HRC: variants seen among roughly 807,000 people sequenced by gnomAD.
HRC encodes the protein sarcoplasmic reticulum histidine-rich calcium-binding protein.
A neutral mutation model predicts 61.4 loss-of-function variants in HRC; 41 were observed. The observed-to-expected ratio is 0.67, with a 90% CI of 0.52 to 0.87. The LOEUF (loss-of-function observed/expected upper bound fraction) is 0.87, where lower values mean the gene tolerates loss of function less well. Ranked by LOEUF, HRC falls within the 40% of genes least tolerant of loss-of-function variation. The probability of loss-of-function intolerance (pLI) is 0.00; values close to 1 mark genes in which losing one functional copy is unlikely to be tolerated. For synonymous variants in HRC, 308 were observed against 326.6 expected, an observed-to-expected ratio of 0.94 and a Z score of 0.62; for missense variants, 839 against 885.8, an observed-to-expected ratio of 0.95 and a Z score of 0.67.
chr19:49,155,294 T>C lies in HRC; in HGVS notation c.-57A>G, dbSNP rs1324191899. 6 of 1,522,480 alleles carry C rather than the reference T, an allele frequency of 3.9e-6. No homozygotes were observed. The highest frequency in any genetic ancestry group is 5.2e-6 in the Non-Finnish European group (6 of 1,146,902). 94.3% of individuals were successfully genotyped at this position (1,522,480 alleles called of 1,614,324 possible). On this transcript the variant is annotated 5_prime_UTR_variant, in exon 1 of 6. Transcript: ENST00000252825. The surrounding 1 kb of genome is among the most constrained non-coding windows in gnomAD (Gnocchi z 4.7). ...CCTCTGCGGCAATGTGGACAAACGT[T>C]GGGGTCTTTGTCCCTTTGGGGTTGG...
At position 49,153,779 on chromosome 19, in the gene HRC, C is replaced by G. The variant is rs146441169; in HGVS notation, c.1459G>C (p.Glu487Gln). ...TGGGAGCCGGGGTCCTCTTCCTTCTCCTTTTCCTCCTCAGAATCATCCTTC... is the reference window on the plus strand; with the variant it reads ...TGGGAGCCGGGGTCCTCTTCCTTCTGCTTTTCCTCCTCAGAATCATCCTTC... The part of the protein sequence containing the change: ...LRKDDSEEEK[E>Q]KEEDPGSHEE... The change falls in exon 1 of 6, where the codon GAG (glutamate) becomes CAG (glutamine). Residue 487 changes from glutamate to glutamine, a missense_variant. Coordinates refer to ENST00000252825, the MANE Select transcript of HRC (RefSeq NM_002152.3). This position sits in a 1 kb window ranked among gnomAD's most constrained non-coding sequence, Gnocchi z 4.8. The G allele has an allele frequency of 9.5e-5, 154 of 1,614,040 alleles. No individual in the cohort carries two copies. The highest frequency in any genetic ancestry group is 1.2e-4 in the Non-Finnish European group (142 of 1,180,040).
Position 49,154,566 on chromosome 19 carries a change from A to G in HRC, c.672T>C (p.Asp224=), listed in dbSNP as rs2041402280. 2.5e-6 allele frequency: 4 copies of G among 1,612,006 alleles called. No homozygotes were observed. The highest frequency in any genetic ancestry group is 3.4e-6 in the Non-Finnish European group (4 of 1,179,486). ...HRHRGHGSEE[D]EDVSDGHHHH... ...GATGGTGTCCATCTGAGACATCCTC[A>G]TCCTCTTCACTCCCATGGCCTCGGT... The change falls in exon 1 of 6, where the codon GAT becomes GAC. Residue 224 remains aspartate, a synonymous_variant. Coordinates refer to ENST00000252825, the MANE Select transcript of HRC (RefSeq NM_002152.3).
chr19:49,153,938 G>T lies in HRC; in HGVS notation c.1300C>A (p.Leu434Ile), dbSNP rs145372058. Reference sequence around the variant, plus strand: ...CTGTGGCTGGGGGCCTGGTGGCCAAGCTCAGCAGAGACCTCCTCATCTTCC... The same window carrying T: ...CTGTGGCTGGGGGCCTGGTGGCCAATCTCAGCAGAGACCTCCTCATCTTCC... The part of the protein sequence containing the change: ...REEDEEVSAE[L>I]GHQAPSHRQS... The change falls in exon 1 of 6, where the codon CTT becomes ATT. Residue 434 changes from leucine (L) to isoleucine (I), a missense_variant. Physicochemically the swap from Leu to Ile is conservative, Grantham distance 5 (BLOSUM62 2). Coordinates refer to ENST00000252825, the MANE Select transcript of HRC (RefSeq NM_002152.3). This position sits in a 1 kb window ranked among gnomAD's most constrained non-coding sequence, Gnocchi z 4.8. 5.0e-6 allele frequency: 8 copies of T among 1,613,274 alleles called. No homozygotes were observed. The highest frequency in any genetic ancestry group is 5.9e-6 in the Non-Finnish European group (7 of 1,179,780).
rs897486316 is a variant in HRC at position 49,152,378 on chromosome 19, G to T, written c.1903C>A (p.Arg635=). The T allele has an allele frequency of 3.7e-6, 6 of 1,613,032 alleles. No homozygotes were observed. The highest frequency in any genetic ancestry group is 1.1e-5 in the South Asian group (1 of 91,014). ...SLCGYCSFCN[R]CTECESCHCD... ...TGACAGCTCTCACATTCAGTGCATC[G>T]CTGGGGACCGGGGGAGCCTGGTTAG... Residue 635 remains arginine (R), a splice_region_variant and synonymous_variant, in exon 3 of 6, where the codon CGA becomes AGA. Coordinates refer to ENST00000252825, the MANE Select transcript of HRC (RefSeq NM_002152.3).
rs375463350 is a variant in HRC at position 49,153,600 on chromosome 19, TTCC to T, written c.1635_1637del (p.Glu547del). On this transcript the variant is annotated inframe_deletion, in exon 1 of 6. Transcript: ENST00000252825. The surrounding 1 kb of genome is among the most constrained non-coding windows in gnomAD (Gnocchi z 4.8). The stretch of plus-strand genomic sequence containing the variant: ...TCTCTTCCCTCCTCTCCTCGTCTTC[TTCC>T]TCCTCCTCCTCCTCCTTGTCTTCCT... 1,873 of 1,515,760 alleles carry T rather than the reference TTCC, an allele frequency of 1.2e-3. No individual in the cohort carries two copies. The highest frequency in any genetic ancestry group is 1.4e-3 in the Non-Finnish European group (1,579 of 1,100,294). The allele number at this position is 1,515,760 out of a possible 1,614,324, so 93.9% of individuals were successfully genotyped here.
Position 49,154,256 on chromosome 19 carries a change from C to A in HRC, c.982G>T (p.Glu328Ter). 1 of 1,613,870 alleles carries A rather than the reference C, an allele frequency of 6.2e-7. No individual in the cohort carries two copies. The highest frequency in any genetic ancestry group is 8.5e-7 in the Non-Finnish European group (1 of 1,179,920). The change falls in exon 1 of 6, where the codon GAG (glutamate) becomes TAG (stop). Residue 328 changes from glutamate to a stop codon, truncating the protein, a stop_gained. Transcript: ENST00000252825. LOFTEE classifies it high-confidence loss of function. ...AHRHQDHRKE[E>*]VEAVSGEHHH... ...TGTTCACCTGAGACAGCCTCAACCT[C>A]TTCCTTTCTGTGGTCTTGGTGCCTG... is the stretch of plus-strand genomic sequence containing the variant.
At chr19:49,152,415 AACGCC>A (rs751811438) in intron 2 of HRC, 37 bp from the exon 3 acceptor site, 3 of 1,591,872 alleles carry the variant, frequency 1.9e-6, no homozygotes, top group East Asian at 4.5e-5. Context: ...TGGAAACTCT[AACGCC>A]ACTTGGGAGG....
chr19:49,151,346 C>T lies in HRC; in HGVS notation c.2064-14G>A, dbSNP rs1442720659. The T allele has an allele frequency of 6.4e-7, 1 of 1,556,336 alleles. No individual in the cohort carries two copies. On this transcript the variant is annotated splice_polypyrimidine_tract_variant and intron_variant, in intron 5 of 5. Coordinates refer to ENST00000252825, the MANE Select transcript of HRC (RefSeq NM_002152.3). ...TCTGCCAGGGCCCTGGAGACGAGAA[C>T]GCCAGAAGTTAGACAGCTGGTGTTC... is the stretch of plus-strand genomic sequence containing the variant.
At position 49,153,566 on chromosome 19, in the gene HRC, C is replaced by A. The variant is rs779975187; in HGVS notation, c.1672G>T (p.Val558Phe). The change falls in exon 1 of 6, where the codon GTT becomes TTT. Residue 558 changes from valine to phenylalanine, a missense_variant. Val to Phe is a conservative substitution (Grantham distance 50). Transcript: ENST00000252825. This position sits in a 1 kb window ranked among gnomAD's most constrained non-coding sequence, Gnocchi z 4.8. ...DEERREERAE[V>F]GAPLSPDHSE... ...TGGTCTGGGCTCAGTGGGGCCCCAA[C>A]CTCAGCCCTCTCTTCCCTCCTCTCC... The A allele has an allele frequency of 3.9e-6, 6 of 1,552,484 alleles. No individual in the cohort carries two copies. The East Asian group carries it at 1.1e-4, about 29-fold the overall frequency.
At position 49,154,007 on chromosome 19, in the gene HRC, T is replaced by C; in HGVS notation, c.1231A>G (p.Lys411Glu). 6.2e-7 allele frequency: 1 copy of C among 1,613,968 alleles called. No homozygotes were observed. Among genetic ancestry groups the C allele is most frequent in the Non-Finnish European group, 8.5e-7 (1 of 1,179,994 alleles). ...SDEEDFQDEY[K>E]TEVPHHHHHR... is the part of the protein sequence containing the mutation. ...TGGTGATGGTGAGGGACTTCTGTTTTATACTCATCTTGGAAGTCCTCTTCA... is the reference window on the plus strand; with the variant it reads ...TGGTGATGGTGAGGGACTTCTGTTTCATACTCATCTTGGAAGTCCTCTTCA... Residue 411 changes from lysine to glutamate, a missense_variant, in exon 1 of 6, where the codon AAA (lysine) becomes GAA (glutamate). Coordinates refer to ENST00000252825, the MANE Select transcript of HRC (RefSeq NM_002152.3).
chr19:49,151,922 G>C, intron 4 of HRC, 82 bp downstream of exon 4: 1 of 1,393,530 alleles, frequency 7.2e-7, no homozygotes, highest in Non-Finnish European at 1.0e-6. Flanking sequence ...AGCCTACCGG[G>C]CCAGGCTCCG....
intron 5 of HRC, 69 bp from the exon 6 acceptor site, chr19:49,151,401 T>C (rs1243100700): frequency 6.4e-7 from 1 of 1,568,358 alleles, no homozygotes; most frequent in Non-Finnish European, 8.7e-7. Context: ...TTAGAGATCA[T>C]TAACCTGCCC....
In HRC at chr19:49,154,290, G is replaced by A. The variant is rs752820748; in HGVS notation, c.948C>T (p.His316=). 5.0e-6 allele frequency: 8 copies of A among 1,613,454 alleles called. No individual in the cohort carries two copies. Among genetic ancestry groups the A allele is most frequent in the Non-Finnish European group, 6.8e-6 (8 of 1,179,850 alleles). ...TGTGGTCTTGGTGCCTGTGGGCCTG[G>A]TGTCCATACTCAGTGGAGACATCAT... ...DDDDVSTEYG[H]QAHRHQDHRK... Residue 316 remains histidine (H), a synonymous_variant, in exon 1 of 6, where the codon CAC becomes CAT. Transcript: ENST00000252825.
Position 49,154,354 on chromosome 19 carries a change from T to A in HRC, c.884A>T (p.His295Leu). 3.1e-6 allele frequency: 5 copies of A among 1,598,534 alleles called. No homozygotes were observed. The highest frequency in any genetic ancestry group is 3.4e-6 in the Non-Finnish European group (4 of 1,177,158). Residue 295 changes from histidine to leucine, a missense_variant, in exon 1 of 6, where the codon CAC becomes CTC. Coordinates refer to ENST00000252825, the MANE Select transcript of HRC (RefSeq NM_002152.3). ...SDGHHHRDPS[H>L]RHRSHEEDDN... Reference sequence around the variant, plus strand: ...ATCTTCTTCATGGCTTCGGTGCCTGTGGCTGGGGTCGCGATGATGGTGTCC... The same window carrying A: ...ATCTTCTTCATGGCTTCGGTGCCTGAGGCTGGGGTCGCGATGATGGTGTCC...
chr19:49,154,375 T>A lies in HRC; in HGVS notation c.863A>T (p.His288Leu). ...CCTGTGGCTGGGGTCGCGATGATGG[T>A]GTCCATCTGAGACATCTTCATCCTC... ...IEEDEDVSDG[H>L]HHRDPSHRHR... The change falls in exon 1 of 6, where the codon CAC becomes CTC. Residue 288 changes from histidine (H) to leucine (L), a missense_variant. His to Leu is a moderately conservative substitution (Grantham distance 99). Transcript: ENST00000252825. 1.2e-6 allele frequency: 2 copies of A among 1,611,304 alleles called. No homozygotes were observed. The highest frequency in any genetic ancestry group is 1.7e-6 in the Non-Finnish European group (2 of 1,179,798).
rs760955052 is a variant in HRC, at chr19:49,152,066, C to A, written c.1972-8G>T. ...ATAGCAGAACTGACAGTGCTGGAGG[C>A]GGGGACGGGGAGAGAGAGTGAGCGT... On this transcript the variant is annotated splice_polypyrimidine_tract_variant and splice_region_variant and intron_variant, in intron 3 of 5. Coordinates refer to ENST00000252825, the MANE Select transcript of HRC (RefSeq NM_002152.3). 1.2e-6 allele frequency: 2 copies of A among 1,613,576 alleles called. No individual in the cohort carries two copies. Among genetic ancestry groups the A allele is most frequent in the African/African-American group, 2.7e-5 (2 of 74,914 alleles).
chr19:49,154,296 A>G lies in HRC; in HGVS notation c.942T>C (p.Tyr314=), dbSNP rs777805579. ...DNDDDDVSTE[Y]GHQAHRHQDH... ...CTTGGTGCCTGTGGGCCTGGTGTCC[A>G]TACTCAGTGGAGACATCATCATCAT... is the stretch of plus-strand genomic sequence containing the variant. Residue 314 remains tyrosine (Y), a synonymous_variant, in exon 1 of 6, where the codon TAT becomes TAC. Coordinates refer to ENST00000252825, the MANE Select transcript of HRC (RefSeq NM_002152.3). 5.0e-6 allele frequency: 8 copies of G among 1,613,186 alleles called. No individual in the cohort carries two copies. In the South Asian group the frequency reaches 8.8e-5, roughly 18 times the overall value.
At chr19:49,151,443 T>C in intron 5 of HRC, 74 bp downstream of exon 5, 1 of 1,588,950 alleles carries the variant, frequency 6.3e-7, no homozygotes, top group Non-Finnish European at 8.6e-7. Flanking sequence ...AGTCCCAGAG[T>C]CATCTGATAA....
In HRC at chr19:49,152,526, GCCTCC is replaced by G. The variant is rs956687489; in HGVS notation, c.1903-153_1903-149del. Reference sequence around the variant, plus strand: ...AGCTCTGTATCTGCCCCCCAAACCAGCCTCCCCTCCCCTCCCCTGCCCCTGGTTTC... The same window carrying G: ...AGCTCTGTATCTGCCCCCCAAACCAGCCTCCCCTCCCCTGCCCCTGGTTTC... On this transcript the variant is annotated intron_variant, in intron 2 of 5. Transcript: ENST00000252825. 1.3e-5 allele frequency: 7 copies of G among 533,712 alleles called. No homozygotes were observed. In the East Asian group the frequency reaches 1.6e-4, roughly 12 times the overall value. 33.1% of individuals were successfully genotyped at this position (533,712 alleles called of 1,614,324 possible). A position where few individuals can be genotyped will look rare whatever the true frequency, so the allele number is the denominator to read the frequency against.
Sources: allele counts gnomAD v4.1 joint callset, GRCh38; gene constraint gnomAD v4.1.1; non-coding constraint Gnocchi (gnomAD v3.1); transcripts MANE v1.5; gene names NCBI Gene and HGNC (gene_info 2026-07-23, HGNC 2026-07-21).